Variants in ZNF875 observed in about 807,000 individuals in gnomAD.
ZNF875 encodes the protein zinc finger protein 875, also known as HKR1, GLI-Kruppel zinc finger family member.
Under a neutral mutation model 11.2 loss-of-function variants are expected in ZNF875, and 14 were observed. The ratio of observed to expected loss-of-function variants is 1.26; its 90% CI spans 0.83 to 1.96. The LOEUF (loss-of-function observed/expected upper bound fraction) is 1.96. ZNF875 is among the 30% of genes most tolerant of loss of function. The pLI is 0.00. For synonymous variants in ZNF875, 301 were observed against 281.1 expected (o/e 1.07, Z -0.71); for missense variants, 752 against 760.4 (o/e 0.99, Z 0.13).
chr19:37,317,332 G>A (rs2030298858), upstream of ZNF875, among the ~76,000 whole-genome samples: 1 of 151,890 alleles, frequency 6.6e-6, no homozygotes, highest in South Asian at 2.1e-4. Flanking sequence ...GACTACAGGC[G>A]CCCGCCACCA....
upstream of ZNF875, chr19:37,317,818 C>T (rs1246157381): frequency 6.6e-6 from 1 of 152,512 alleles, no homozygotes; most frequent in African/African-American, 2.4e-5. Context: ...TGCCTGGAAA[C>T]AGACTGTCCG....
intron 4 of ZNF875, among the ~76,000 whole-genome samples, chr19:37,352,026 T>G (rs1001306137): frequency 6.6e-6 from 1 of 152,234 alleles, no homozygotes; most frequent in Non-Finnish European, 1.5e-5. Flanking sequence ...TCATTGTGGA[T>G]TTGTCTATGT....
intron 4 of ZNF875, among the ~76,000 whole-genome samples, chr19:37,349,608 G>A (rs1013019635): frequency 4.6e-5 from 7 of 152,038 alleles, no homozygotes; most frequent in African/African-American, 1.7e-4. Flanking sequence ...AATCATTGAG[G>A]TGAACTCTTT....
At chr19:37,329,605 C>A (rs887303546) in intron 4 of ZNF875, among the ~76,000 whole-genome samples, 3 of 152,176 alleles carry the variant, frequency 2.0e-5, no homozygotes, top group African/African-American at 7.2e-5. Flanking sequence ...CATTTATTGT[C>A]CATCATTACG....
Position 37,361,150 on chromosome 19 carries a change from C to T in ZNF875, c.257-959C>T, listed in dbSNP as rs1398560709. 2.3e-5 allele frequency among the ~76,000 whole-genome samples: 3 copies of T among 131,744 alleles called. No homozygotes were observed. The East Asian group carries it at 7.0e-4, about 31-fold the overall frequency. 86.4% of individuals were successfully genotyped at this position (131,744 alleles called of 152,430 possible). A position where few individuals can be genotyped will look rare whatever the true frequency, so the allele number is the denominator to read the frequency against. ...TTTTTGAGACAGAGTCTCACTGTGT[C>T]ACCAGGCTGGAGTGTGGTGGCACGA... On this transcript the variant is annotated intron_variant, in intron 4 of 4. Coordinates refer to ENST00000392153, the MANE Select transcript of ZNF875 (RefSeq NM_001353803.2).
intron 2 of ZNF875, among the ~76,000 whole-genome samples, chr19:37,342,091 G>A (rs1172412912): frequency 6.6e-6 from 1 of 152,186 alleles, no homozygotes; most frequent in Non-Finnish European, 1.5e-5. Flanking sequence ...CGGTGCTATG[G>A]GACAATGCCC....
At chr19:37,343,166 G>A (rs1013023775) in intron 2 of ZNF875, among the ~76,000 whole-genome samples, 3 of 151,772 alleles carry the variant, frequency 2.0e-5, no homozygotes, top group Non-Finnish European at 4.4e-5. Context: ...GTGAAACCCC[G>A]TCTCTACTAA....
At position 37,326,664 on chromosome 19, in the gene ZNF875, C is replaced by CTTTT. The variant is rs35805509; in HGVS notation, c.-603+2417_-603+2420dup. Among the ~76,000 whole-genome samples the CTTTT allele has an allele frequency of 1.4e-3, 125 of 88,100 alleles. 4 individuals carry two copies. The highest frequency in any genetic ancestry group is 2.2e-3 in the African/African-American group (50 of 22,654). The allele number at this position is 88,100 out of a possible 152,430, so 57.8% of individuals were successfully genotyped here. A position where few individuals can be genotyped will look rare whatever the true frequency, so the allele number is the denominator to read the frequency against. On this transcript the variant is annotated intron_variant, in intron 4 of 5. Transcript: ENST00000544914. ...CAAATTCTAAAGTTAAATTAGAAAG[C>CTTTT]TTTTTTTTTTTTTTTTTTTTTGAGT... is the stretch of plus-strand genomic sequence containing the variant.
At chr19:37,338,528 A>C (rs2034996914) in intron 2 of ZNF875, among the ~76,000 whole-genome samples, 2 of 152,102 alleles carry the variant, frequency 1.3e-5, no homozygotes, top group Non-Finnish European at 2.9e-5. Context: ...TTCCTGTGCC[A>C]CCTCCTTCAT....
At chr19:37,336,445 G>A (rs12104381) in intron 2 of ZNF875, among the ~76,000 whole-genome samples, 31,378 of 150,804 alleles carry the variant, frequency 0.21, 3,475 homozygotes, top group South Asian at 0.31. Flanking sequence ...GACTACAGGC[G>A]CTTGCCACCA....
chr19:37,317,676 A>G (rs930144321), upstream of ZNF875, among the ~76,000 whole-genome samples: 17 of 152,298 alleles, frequency 1.1e-4, no homozygotes, highest in African/African-American at 4.1e-4. Context: ...TGCGCAAGAA[A>G]GTTTTTGCTG....
chr19:37,339,714 G>A (rs949429567), intron 2 of ZNF875, among the ~76,000 whole-genome samples: 3 of 151,424 alleles, frequency 2.0e-5, no homozygotes, highest in Admixed American at 6.6e-5. Flanking sequence ...ACAGGTGCCC[G>A]CCACCACACC....
At chr19:37,344,788 T>C in intron 2 of ZNF875, 1 of 1,444,470 alleles carries the variant, frequency 6.9e-7, no homozygotes. Context: ...GTATTAAATG[T>C]GTTAAAGTAA....
At chr19:37,317,973 G>A (rs1210605185) in exon 1 of ZNF875, 1 of 155,680 alleles carries the variant, frequency 6.4e-6, no homozygotes, top group African/African-American at 2.4e-5. Context: ...TGGGCTGTTC[G>A]GCCAAGCGCC....
chr19:37,361,884 T>A, intron 4 of ZNF875: 1 of 505,792 alleles, frequency 2.0e-6, no homozygotes, highest in Non-Finnish European at 3.5e-6. Flanking sequence ...ACCACTGCAC[T>A]CCAGCTTGGG....
upstream of ZNF875, among the ~76,000 whole-genome samples, chr19:37,331,933 G>A (rs962076874): frequency 3.0e-5 from 4 of 131,514 alleles, no homozygotes; most frequent in Admixed American, 2.4e-4. Context: ...GGAATGTCTC[G>A]GTATAAAACC....
At chr19:37,354,332 A>G (rs779582731) in intron 4 of ZNF875, among the ~76,000 whole-genome samples, 37 of 142,982 alleles carry the variant, frequency 2.6e-4, no homozygotes, top group Non-Finnish European at 4.4e-4. Context: ...GAAAGCCACA[A>G]ACAAAATTAT....
At chr19:37,331,013 G>A (rs1203577669), upstream of ZNF875, among the ~76,000 whole-genome samples, 3 of 151,722 alleles carry the variant, frequency 2.0e-5, no homozygotes, top group African/African-American at 4.8e-5. Context: ...GGTGAAACCC[G>A]ATCTCTACTA....
chr19:37,313,215 A>AAACAACAACAACAAC (rs34323048), upstream of ZNF875: 1 of 149,314 alleles, frequency 6.7e-6, no homozygotes, highest in African/African-American at 2.5e-5. Flanking sequence ...GCCCCCCGCG[A>AAACAACAACAACAAC]AACAACAACA....
Sources: gnomAD v4.1 joint callset for allele counts (sites outside exome capture counted in the v4.1 genomes callset) on GRCh38, gnomAD v4.1.1 for gene constraint, MANE v1.5 for transcripts, NCBI Gene and HGNC (gene_info 2026-07-23, HGNC 2026-07-21) for gene names.